OPHN1: variants seen among roughly 807,000 people sequenced by gnomAD.
The protein encoded by OPHN1 is oligophrenin 1, also known as oligophrenin-1.
In OPHN1, 11 loss-of-function variants were observed where a neutral mutation model predicts 60.7. The ratio of observed to expected loss-of-function variants is 0.18; its 90% CI spans 0.11 to 0.30. The LOEUF (loss-of-function observed/expected upper bound fraction) is 0.30, where lower values mean the gene tolerates loss of function less well. Among genes scored for constraint, OPHN1 ranks in the 10% least tolerant of loss-of-function variants. OPHN1 has a pLI of 1.00. For synonymous variants in OPHN1, 226 were observed against 222.6 expected (o/e 1.02, Z -0.14); for missense variants, 449 against 611.0 (o/e 0.73, Z 2.80).
chrX:68,365,113 A>G (rs1333890511), intron 2 of OPHN1, among the ~76,000 whole-genome samples: 2 of 112,128 alleles, frequency 1.8e-5, no homozygotes, highest in African/African-American at 6.5e-5. Flanking sequence ...ACTGTCTTCA[A>G]ATGAACATAG....
intron 15 of OPHN1, among the ~76,000 whole-genome samples, chrX:68,135,297 T>G (rs1354619599): frequency 8.9e-6 from 1 of 112,091 alleles, no homozygotes; most frequent in Non-Finnish European, 1.9e-5. Context: ...ATAAAAATAC[T>G]TAAGCTATTT....
chrX:68,227,670 G>A (rs2077702637), intron 6 of OPHN1, among the ~76,000 whole-genome samples: 1 of 111,313 alleles, frequency 9.0e-6, no homozygotes, highest in Non-Finnish European at 1.9e-5. Context: ...GGTATATAAC[G>A]AAATGAAGGC....
chrX:68,118,829 A>G (rs1357082807), intron 16 of OPHN1, among the ~76,000 whole-genome samples: 1 of 111,268 alleles, frequency 9.0e-6, no homozygotes, highest in Non-Finnish European at 1.9e-5. Flanking sequence ...GTAGCACATC[A>G]CACACATATA....
chrX:68,151,871 A>G (rs1269071930), intron 15 of OPHN1, among the ~76,000 whole-genome samples: 1 of 111,558 alleles, frequency 9.0e-6, no homozygotes, highest in Admixed American at 9.5e-5. Flanking sequence ...TCAGGGTTCC[A>G]CAGGCTGTAC....
At chrX:68,407,982 T>G (rs560400150) in intron 2 of OPHN1, among the ~76,000 whole-genome samples, 27 of 112,354 alleles carry the variant, frequency 2.4e-4, no homozygotes, top group Admixed American at 1.7e-3. Flanking sequence ...GGTGGTGGTG[T>G]TGTTTAGAGA....
intron 2 of OPHN1, among the ~76,000 whole-genome samples, chrX:68,378,208 T>C (rs2078571940): frequency 8.9e-6 from 1 of 112,667 alleles, no homozygotes; most frequent in African/African-American, 3.2e-5. Flanking sequence ...TTCATGTGTC[T>C]TTTGGCTGCA....
At chrX:68,193,867 C>T (rs751614256) in intron 14 of OPHN1, 23 bp downstream of exon 14, 1 of 1,170,502 alleles carries the variant, frequency 8.5e-7, no homozygotes, top group Non-Finnish European at 1.2e-6. Context: ...CAGACAATGC[C>T]AAGACTATGG....
At position 68,386,013 on chromosome X, in the gene OPHN1, T is replaced by G. The variant is rs192374166; in HGVS notation, c.154+46854A>C. Among the ~76,000 whole-genome samples, 9 of 112,144 alleles carry G rather than the reference T, an allele frequency of 8.0e-5. No individual in the cohort carries two copies. In the East Asian group the frequency reaches 2.2e-3, roughly 28 times the overall value. On this transcript the variant is annotated intron_variant, in intron 2 of 24. Coordinates refer to ENST00000355520, the MANE Select transcript of OPHN1 (RefSeq NM_002547.3). ...GTTGGATAGGCTTTGCTTATTAATA[T>G]AATTTACTATTTTTAATGCCTGCTC...
intron 5 of OPHN1, among the ~76,000 whole-genome samples, chrX:68,265,933 G>A (rs935392221): frequency 1.2e-4 from 13 of 111,128 alleles, no homozygotes; most frequent in African/African-American, 3.3e-4. Context: ...TATCAGTGAC[G>A]GAAGATCAAA....
intron 23 of OPHN1, among the ~76,000 whole-genome samples, chrX:68,050,459 C>T (rs1452789875): frequency 8.9e-6 from 1 of 111,984 alleles, no homozygotes; most frequent in Non-Finnish European, 1.9e-5. Context: ...CGAGCACTGG[C>T]TGACAAAGCC....
chrX:68,194,458 G>A lies in OPHN1; in HGVS notation c.1138+7C>T. 1.7e-6 allele frequency: 2 copies of A among 1,204,208 alleles called. No individual in the cohort carries two copies. The highest frequency in any genetic ancestry group is 2.3e-6 in the Non-Finnish European group (2 of 888,856). ...ATGCTAGTAGACCAAAAACTTAAGT[G>A]ACTCACTTTCTTGCTGTTTTGTTAT... On this transcript the variant is annotated splice_region_variant and intron_variant, in intron 13 of 24. Coordinates refer to ENST00000355520, the MANE Select transcript of OPHN1 (RefSeq NM_002547.3).
chrX:68,050,796 T>A (rs966755921), intron 23 of OPHN1, among the ~76,000 whole-genome samples: 1 of 112,633 alleles, frequency 8.9e-6, no homozygotes, highest in African/African-American at 3.2e-5. Context: ...TGGCTTATTC[T>A]AGGAAGGCAT....
intron 3 of OPHN1, among the ~76,000 whole-genome samples, chrX:68,297,047 G>A (rs1398961935): frequency 9.0e-6 from 1 of 111,391 alleles, no homozygotes; most frequent in Non-Finnish European, 1.9e-5. Context: ...TCTCAGATCT[G>A]TTGGTGGCTT....
At chrX:68,270,050 C>T (rs2077958552) in intron 5 of OPHN1, among the ~76,000 whole-genome samples, 1 of 111,219 alleles carries the variant, frequency 9.0e-6, no homozygotes, top group South Asian at 3.8e-4. Context: ...TACCATCTCA[C>T]ACCAGTTAGA....
chrX:68,210,754 G>T (rs1187451111), intron 8 of OPHN1, among the ~76,000 whole-genome samples: 1 of 111,880 alleles, frequency 8.9e-6, no homozygotes, highest in Non-Finnish European at 1.9e-5. Context: ...TGGGAGAAGG[G>T]CCAACAGTAG....
intron 20 of OPHN1, chrX:68,070,370 C>T (rs1285919062): frequency 2.2e-6 from 1 of 453,377 alleles, no homozygotes; most frequent in East Asian, 3.6e-5. Context: ...AGCTGAGATG[C>T]TGTGCAACTG....
intron 15 of OPHN1, among the ~76,000 whole-genome samples, chrX:68,176,973 C>CATATATATAT (rs59326514): frequency 0.014 from 1,411 of 99,067 alleles, 14 homozygotes; most frequent in Non-Finnish European, 0.018. Context: ...TTTATATATA[C>CATATATATAT]ATATATATAT....
intron 19 of OPHN1, among the ~76,000 whole-genome samples, chrX:68,088,020 G>A (rs967490049): frequency 1.8e-5 from 2 of 111,628 alleles, no homozygotes; most frequent in African/African-American, 6.5e-5. Flanking sequence ...TTTGGTCTCA[G>A]CAACACATAG....
At chrX:68,208,384 C>T (rs954451692) in intron 9 of OPHN1, among the ~76,000 whole-genome samples, 14 of 111,885 alleles carry the variant, frequency 1.3e-4, no homozygotes, top group Non-Finnish European at 3.8e-5. Flanking sequence ...GCCACTGTGC[C>T]CGGCCATTCC....
Sources: allele counts gnomAD v4.1 joint callset (sites outside exome capture counted in the v4.1 genomes callset), GRCh38; gene constraint gnomAD v4.1.1; transcripts MANE v1.5; gene names NCBI Gene and HGNC (gene_info 2026-07-23, HGNC 2026-07-21).